The following PUDP variants were observed in gnomAD, a reference collection of about 807,000 sequenced individuals.
The protein encoded by PUDP is pseudouridine 5'-phosphatase.
In PUDP, 8 loss-of-function variants were observed where a neutral mutation model predicts 9.4. The observed-to-expected ratio is 0.85, with a 90% CI of 0.50 to 1.53. PUDP has a LOEUF of 1.53. PUDP is among the 40% of genes most tolerant of loss of function. The pLI is 0.00. For missense variants in PUDP, 188 were observed against 189.7 expected (o/e 0.99, Z 0.05); for synonymous variants, 99 against 80.7 (o/e 1.23, Z -1.22).
chrX:6,847,370 ACT>A (rs766295582), intron 3 of PUDP, among the ~76,000 whole-genome samples: 2 of 111,705 alleles, frequency 1.8e-5, no homozygotes, highest in East Asian at 2.8e-4. Flanking sequence ...CTAAACTCAA[ACT>A]CTTTTAGAAT....
At chrX:6,773,876 CACG>C (rs1390243188) in intron 3 of PUDP, among the ~76,000 whole-genome samples, 1 of 111,980 alleles carries the variant, frequency 8.9e-6, no homozygotes, top group Non-Finnish European at 1.9e-5. Context: ...CTGTGGCTCA[CACG>C]TGTAATCCCA....
chrX:7,051,061 T>C (rs772617104), intron 3 of PUDP, among the ~76,000 whole-genome samples: 26 of 111,573 alleles, frequency 2.3e-4, no homozygotes, highest in African/African-American at 8.2e-4. Flanking sequence ...CACAACACCA[T>C]CCAAAACCCG....
At chrX:7,048,126 A>C (rs1930009983), downstream of PUDP, among the ~76,000 whole-genome samples, 1 of 111,997 alleles carries the variant, frequency 8.9e-6, no homozygotes, top group African/African-American at 3.2e-5. Context: ...TAAGTTCTTA[A>C]GTGTTGTGTA....
chrX:6,856,797 G>A (rs760914180), intron 3 of PUDP, among the ~76,000 whole-genome samples: 1 of 111,539 alleles, frequency 9.0e-6, no homozygotes, highest in Non-Finnish European at 1.9e-5. Flanking sequence ...GAATTGGGAG[G>A]CTGAGGAAAG....
chrX:6,877,792 C>T (rs1384954500), intron 3 of PUDP, among the ~76,000 whole-genome samples: 1 of 111,543 alleles, frequency 9.0e-6, no homozygotes, highest in African/African-American at 3.3e-5. Context: ...AAATAAAGGT[C>T]TCAAGCCTCA....
intron 3 of PUDP, among the ~76,000 whole-genome samples, chrX:6,797,806 T>A (rs1172369947): frequency 8.9e-6 from 1 of 111,973 alleles, no homozygotes; most frequent in Non-Finnish European, 1.9e-5. Context: ...GCCATTACAT[T>A]TTGAGTTGCT....
chrX:7,013,945 G>A (rs1198349658), intron 1 of PUDP, among the ~76,000 whole-genome samples: 3 of 111,470 alleles, frequency 2.7e-5, no homozygotes, highest in Admixed American at 9.5e-5. Context: ...AGAAGAATTG[G>A]GTCACACACA....
At chrX:6,876,974 CACAT>C (rs1555914399) in intron 3 of PUDP, among the ~76,000 whole-genome samples, 3 of 107,324 alleles carry the variant, frequency 2.8e-5, no homozygotes, top group African/African-American at 7.0e-5. Context: ...CACACACACA[CACAT>C]AACACTTTAG....
At chrX:6,762,309 T>C (rs1353267136) in intron 3 of PUDP, among the ~76,000 whole-genome samples, 1 of 112,706 alleles carries the variant, frequency 8.9e-6, no homozygotes, top group African/African-American at 3.2e-5. Context: ...GTCTTCAGTC[T>C]GGTTCAGTTT....
intron 1 of PUDP, chrX:6,989,567 A>C (rs1254771984): frequency 7.4e-6 from 1 of 135,492 alleles, no homozygotes; most frequent in Non-Finnish European, 1.6e-5. Flanking sequence ...AAAATGAAGA[A>C]GTCTTATGCC....
chrX:7,072,891 T>C (rs1481811247), intron 3 of PUDP, among the ~76,000 whole-genome samples: 1 of 110,569 alleles, frequency 9.0e-6, no homozygotes, highest in African/African-American at 3.3e-5. Context: ...AGAAGTGATA[T>C]GTAAGCAATG....
At chrX:6,989,019 A>T (rs1192490516) in intron 1 of PUDP, among the ~76,000 whole-genome samples, 2 of 111,818 alleles carry the variant, frequency 1.8e-5, no homozygotes, top group African/African-American at 6.5e-5. Context: ...CTCTTAGTTA[A>T]CACTTTCAAA....
intron 1 of PUDP, among the ~76,000 whole-genome samples, chrX:7,144,157 C>T: frequency 9.0e-6 from 1 of 111,553 alleles, no homozygotes; most frequent in Non-Finnish European, 1.9e-5. Context: ...CCACCTTCCT[C>T]AGAAATGTGC....
chrX:7,123,103 G>C lies in PUDP; in HGVS notation c.62-17265C>G, dbSNP rs1440803656. Among the ~76,000 whole-genome samples, 8 of 112,300 alleles carry C rather than the reference G, an allele frequency of 7.1e-5. No homozygotes were observed. The East Asian group carries it at 2.2e-3, about 31-fold the overall frequency. On this transcript the variant is annotated intron_variant, in intron 1 of 3. Transcript: ENST00000381077. ...AAATGAGATAAAGGACAAGAATGCT[G>C]TAACACTTATTTTTTATACTTTAAG...
chrX:6,730,333 C>T (rs1048786392), intron 3 of PUDP, among the ~76,000 whole-genome samples: 15 of 112,420 alleles, frequency 1.3e-4, no homozygotes, highest in Admixed American at 3.8e-4. Flanking sequence ...GCACATTGTA[C>T]TCCTTGGAAA....
At chrX:6,767,180 G>A (rs1036924951) in intron 3 of PUDP, among the ~76,000 whole-genome samples, 1 of 113,180 alleles carries the variant, frequency 8.8e-6, no homozygotes, top group African/African-American at 3.2e-5. Flanking sequence ...GAATTATTTA[G>A]TGGAATTATT....
At chrX:6,829,729 T>C (rs1370255676) in intron 3 of PUDP, among the ~76,000 whole-genome samples, 1 of 111,672 alleles carries the variant, frequency 9.0e-6, no homozygotes, top group Admixed American at 9.6e-5. Context: ...GTCAGGATAT[T>C]GTTGCTTTTT....
At chrX:7,018,230 T>C (rs192101550) in intron 1 of PUDP, among the ~76,000 whole-genome samples, 106 of 111,977 alleles carry the variant, frequency 9.5e-4, no homozygotes, top group African/African-American at 3.3e-3. Context: ...TTTCACTTTA[T>C]GGACTCGACC....
At chrX:6,721,835 T>C (rs1388540225), upstream of PUDP, among the ~76,000 whole-genome samples, 2 of 111,823 alleles carry the variant, frequency 1.8e-5, no homozygotes, top group Non-Finnish European at 3.8e-5. Flanking sequence ...TCTTATTTCA[T>C]ATGGAATGTA....
Sources: allele counts gnomAD v4.1 joint callset (sites outside exome capture counted in the v4.1 genomes callset), GRCh38; gene constraint gnomAD v4.1.1; transcripts MANE v1.5; gene names NCBI Gene and HGNC (gene_info 2026-07-23, HGNC 2026-07-21).